CCDC158: variants seen among roughly 807,000 people sequenced by gnomAD.
The protein encoded by CCDC158 is coiled-coil domain-containing protein 158.
CCDC158 carries 116 observed loss-of-function variants against 138.6 expected under a neutral mutation model. That is an observed-to-expected ratio of 0.84 (90% CI 0.72 to 0.98). The LOEUF (loss-of-function observed/expected upper bound fraction) is 0.98. Among genes scored for constraint, CCDC158 ranks in the 50% least tolerant of loss-of-function variants. The probability of loss-of-function intolerance (pLI) is 0.00; values close to 1 mark genes in which losing one functional copy is unlikely to be tolerated. For missense variants in CCDC158, 1,265 were observed against 1,306.1 expected (o/e 0.97, Z 0.48); for synonymous variants, 436 against 442.4 (o/e 0.99, Z 0.18).
At chr4:76,366,283 A>G (rs189204934) in intron 12 of CCDC158, among the ~76,000 whole-genome samples, 2 of 152,294 alleles carry the variant, frequency 1.3e-5, no homozygotes, top group Non-Finnish European at 2.9e-5. Context: ...AACTTAAGCA[A>G]TAGAAAATTC....
At chr4:76,317,240 C>T (rs1719489469) in intron 24 of CCDC158, among the ~76,000 whole-genome samples, 1 of 152,024 alleles carries the variant, frequency 6.6e-6, no homozygotes, top group African/African-American at 2.4e-5. Flanking sequence ...AAGAGACTCA[C>T]CTAATGCACA....
chr4:76,354,439 G>A (rs930163252), intron 15 of CCDC158, among the ~76,000 whole-genome samples: 36 of 151,992 alleles, frequency 2.4e-4, no homozygotes, highest in African/African-American at 8.2e-4. Context: ...CAATTACTTT[G>A]GTTGCACTTA....
Position 76,384,628 on chromosome 4 carries a change from C to A in CCDC158, c.326G>T (p.Arg109Met). The A allele has an allele frequency of 1.2e-6, 2 of 1,613,490 alleles. No individual in the cohort carries two copies. The highest frequency in any genetic ancestry group is 1.7e-6 in the Non-Finnish European group (2 of 1,179,812). Residue 109 changes from arginine (R) to methionine (M), a missense_variant, in exon 5 of 25, where the codon AGG becomes ATG. Transcript: ENST00000682701. ...ELHEKQKFYL[R>M]QSVIDLQTKL... ...TGTTTGCAAATCAATGACTGACTGCCTCAAATAAAACTTTTGTTTCTCATG... is the reference window on the plus strand; with the variant it reads ...TGTTTGCAAATCAATGACTGACTGCATCAAATAAAACTTTTGTTTCTCATG...
rs374410757 is a variant in CCDC158, at chr4:76,351,752, G to A, written c.2506C>T (p.Arg836Cys). 50 of 1,612,430 alleles carry A rather than the reference G, an allele frequency of 3.1e-5. No individual in the cohort carries two copies. Among genetic ancestry groups the A allele is most frequent in the Middle Eastern group, 1.6e-4 (1 of 6,066 alleles). ...TCCAAAGTGTGTTGAAGTTTTAAGC[G>A]CACTGATTCTTGCTCCTGACGCTGT... Reference protein sequence around the residue: ...IIQRQEQESVRLKLQHTLDIK... With the variant: ...IIQRQEQESVCLKLQHTLDIK... The change falls in exon 17 of 25, where the codon CGC becomes TGC. Residue 836 changes from arginine (R) to cysteine (C), a missense_variant. Physicochemically the swap from Arg to Cys is radical, Grantham distance 180. Coordinates refer to ENST00000682701, the MANE Select transcript of CCDC158 (RefSeq NM_001394954.1).
intron 11 of CCDC158, 41 bp downstream of exon 11, chr4:76,369,382 AGAG>A (rs1278568222): frequency 1.3e-6 from 2 of 1,580,816 alleles, no homozygotes; most frequent in Non-Finnish European, 8.6e-7. Flanking sequence ...TTATTTCCCC[AGAG>A]GAGATTGTTT....
At chr4:76,345,403 A>G in intron 18 of CCDC158, 1 of 945,582 alleles carries the variant, frequency 1.1e-6, no homozygotes, top group Non-Finnish European at 1.8e-6. Context: ...GAGGCACACC[A>G]GCAGGAGTGC....
chr4:76,374,368 C>T (rs541249857), intron 9 of CCDC158, among the ~76,000 whole-genome samples: 1 of 152,248 alleles, frequency 6.6e-6, no homozygotes, highest in Admixed American at 6.5e-5. Context: ...GGAAGAAACA[C>T]AAACTTTACT....
chr4:76,360,292 C>A (rs1190809836), intron 13 of CCDC158, among the ~76,000 whole-genome samples: 1 of 152,208 alleles, frequency 6.6e-6, no homozygotes, highest in Non-Finnish European at 1.5e-5. Flanking sequence ...TCATGGAGAA[C>A]CTCTACTAGG....
At position 76,351,156 on chromosome 4, in the gene CCDC158, C is replaced by G. The variant is rs745389257; in HGVS notation, c.2539-35G>C. ...AATATAGAGGTAAGCAAAATAACTG[C>G]CAGCCTACAATTATAAAGAAATGTG... On this transcript the variant is annotated intron_variant, in intron 17 of 24. Coordinates refer to ENST00000682701, the MANE Select transcript of CCDC158 (RefSeq NM_001394954.1). 2.6e-6 allele frequency: 4 copies of G among 1,566,128 alleles called. No homozygotes were observed. The East Asian group carries it at 6.9e-5, about 27-fold the overall frequency.
chr4:76,397,514 C>A (rs1727928697), intron 3 of CCDC158, among the ~76,000 whole-genome samples: 1 of 152,088 alleles, frequency 6.6e-6, no homozygotes, highest in Admixed American at 6.5e-5. Context: ...AACATTAGAA[C>A]ACAGTGTTAA....
At chr4:76,340,773 A>G (rs958548357) in intron 18 of CCDC158, among the ~76,000 whole-genome samples, 6 of 152,172 alleles carry the variant, frequency 3.9e-5, no homozygotes, top group African/African-American at 1.4e-4. Context: ...ATTACAGTGT[A>G]ATAATAATAG....
chr4:76,366,020 T>A (rs1023478794), intron 12 of CCDC158, among the ~76,000 whole-genome samples: 4 of 152,110 alleles, frequency 2.6e-5, no homozygotes, highest in Non-Finnish European at 5.9e-5. Context: ...CTCATAAGGT[T>A]TTGTGAGGAT....
intron 1 of CCDC158, among the ~76,000 whole-genome samples, chr4:76,416,579 G>A (rs1424531084): frequency 6.6e-6 from 1 of 152,160 alleles, no homozygotes; most frequent in Non-Finnish European, 1.5e-5. Flanking sequence ...CTGAGCCCAG[G>A]GTCCCTGTGC....
intron 18 of CCDC158, among the ~76,000 whole-genome samples, chr4:76,337,154 G>GTTT (rs982345238): frequency 6.6e-6 from 1 of 151,684 alleles, no homozygotes; most frequent in Admixed American, 6.6e-5. Flanking sequence ...CTATTTTTGG[G>GTTT]TTTTTTTGTA....
chr4:76,388,030 A>G (rs1726978128), intron 4 of CCDC158, among the ~76,000 whole-genome samples: 1 of 151,934 alleles, frequency 6.6e-6, no homozygotes, highest in South Asian at 2.1e-4. Context: ...AATAAAAGTA[A>G]ACATAATAAA....
intron 2 of CCDC158, among the ~76,000 whole-genome samples, chr4:76,411,445 CT>C (rs1485169725): frequency 6.6e-6 from 1 of 152,058 alleles, no homozygotes; most frequent in Non-Finnish European, 1.5e-5. Flanking sequence ...CCAATACTAT[CT>C]TTATAACTTA....
At chr4:76,324,289 G>C (rs1720322036) in intron 23 of CCDC158, among the ~76,000 whole-genome samples, 1 of 151,232 alleles carries the variant, frequency 6.6e-6, no homozygotes, top group Non-Finnish European at 1.5e-5. Context: ...CCGGGTTCAA[G>C]TGATTCTCCT....
intron 24 of CCDC158, 104 bp downstream of exon 24, chr4:76,323,197 TA>T (rs757231081): frequency 2.2e-5 from 16 of 739,736 alleles, no homozygotes; most frequent in Non-Finnish European, 3.4e-5. Flanking sequence ...TTACAGTTGT[TA>T]ATTCAATACC....
chr4:76,353,782 G>A (rs1200979805), intron 15 of CCDC158, among the ~76,000 whole-genome samples: 2 of 152,136 alleles, frequency 1.3e-5, no homozygotes. Context: ...ACAGCCCAAT[G>A]ATGACAGTGA....
Sources: allele counts gnomAD v4.1 joint callset (sites outside exome capture counted in the v4.1 genomes callset), GRCh38; gene constraint gnomAD v4.1.1; transcripts MANE v1.5; gene names NCBI Gene and HGNC (gene_info 2026-07-23, HGNC 2026-07-21).